EPHB1: variants seen among roughly 807,000 people sequenced by gnomAD.
EPHB1 encodes the protein ephrin type-B receptor 1.
A neutral mutation model predicts 94.4 loss-of-function variants in EPHB1; 30 were observed. The ratio of observed to expected loss-of-function variants is 0.32; its 90% CI spans 0.24 to 0.43. EPHB1 has a LOEUF of 0.43. Among genes scored for constraint, EPHB1 ranks in the 20% least tolerant of loss-of-function variants. The pLI, the probability that EPHB1 is intolerant of heterozygous loss-of-function variation, is 1.00. For missense variants in EPHB1, 1,055 were observed against 1,308.3 expected (o/e 0.81, Z 2.99); for synonymous variants, 522 against 489.1 (o/e 1.07, Z -0.89).
chr3:135,078,839 A>C (rs993862879), intron 3 of EPHB1, among the ~76,000 whole-genome samples: 3 of 152,202 alleles, frequency 2.0e-5, no homozygotes, highest in Non-Finnish European at 4.4e-5. Flanking sequence ...TGCACGTACT[A>C]TGTGCCTAGC....
chr3:135,053,027 G>GTATATATATATATATATATA (rs1243029809), intron 3 of EPHB1, among the ~76,000 whole-genome samples: 98 of 110,406 alleles, frequency 8.9e-4, no homozygotes, highest in African/African-American at 1.8e-3. Flanking sequence ...GTGTGTGTGT[G>GTATATATATATATATATATA]TATATATATA....
chr3:135,152,745 C>T (rs1406907602), intron 5 of EPHB1, among the ~76,000 whole-genome samples: 1 of 152,156 alleles, frequency 6.6e-6, no homozygotes, highest in East Asian at 1.9e-4. Flanking sequence ...GGCATCCCTG[C>T]TGCTCTCATT....
At chr3:135,252,709 A>G (rs1365703108) in intron 15 of EPHB1, among the ~76,000 whole-genome samples, 2 of 141,900 alleles carry the variant, frequency 1.4e-5, no homozygotes, top group Non-Finnish European at 3.1e-5. Flanking sequence ...AGCATGATTT[A>G]TAGTCCTTTG....
intron 6 of EPHB1, 53 bp downstream of exon 6, chr3:135,154,329 A>G (rs1941288573): frequency 5.6e-6 from 9 of 1,608,814 alleles, no homozygotes; most frequent in South Asian, 3.3e-5. Context: ...CCACTGTTCC[A>G]TGGATGGTTG....
chr3:135,021,588 C>A (rs1406505352), intron 3 of EPHB1, among the ~76,000 whole-genome samples: 1 of 149,060 alleles, frequency 6.7e-6, no homozygotes, highest in Non-Finnish European at 1.5e-5. Flanking sequence ...ATTTCTATGT[C>A]TTTAATCATA....
At chr3:134,922,417 G>A (rs564957844) in intron 1 of EPHB1, among the ~76,000 whole-genome samples, 93 of 152,354 alleles carry the variant, frequency 6.1e-4, no homozygotes, top group African/African-American at 2.2e-3. Flanking sequence ...ATGGGCAGAT[G>A]TAAAGAAATG....
At chr3:135,177,442 T>C (rs4894280) in intron 9 of EPHB1, among the ~76,000 whole-genome samples, 70,103 of 151,836 alleles carry the variant, frequency 0.46, 16,571 homozygotes, top group East Asian at 0.71. Flanking sequence ...GAGCCTCCCC[T>C]GCCCACCCGT....
intron 3 of EPHB1, among the ~76,000 whole-genome samples, chr3:135,086,905 G>A (rs980521941): frequency 3.3e-5 from 5 of 152,218 alleles, no homozygotes; most frequent in African/African-American, 9.6e-5. Flanking sequence ...AGTGGTTGGA[G>A]CTTCACAGTG....
chr3:135,171,806 A>G (rs1191496665), intron 9 of EPHB1, among the ~76,000 whole-genome samples: 1 of 152,194 alleles, frequency 6.6e-6, no homozygotes, highest in Non-Finnish European at 1.5e-5. Context: ...CTTTACATAA[A>G]TTAACTAGTT....
At chr3:135,147,425 G>A (rs917620036) in intron 5 of EPHB1, among the ~76,000 whole-genome samples, 1 of 152,220 alleles carries the variant, frequency 6.6e-6, no homozygotes, top group African/African-American at 2.4e-5. Flanking sequence ...TTCAACTTGT[G>A]TATGAACGTT....
intron 2 of EPHB1, 90 bp downstream of exon 2, chr3:134,925,970 C>T (rs1260973928): frequency 8.7e-7 from 1 of 1,155,714 alleles, no homozygotes; most frequent in Non-Finnish European, 1.2e-6. Context: ...CAGAGCAGTA[C>T]CTGTGGGGAA....
intron 1 of EPHB1, among the ~76,000 whole-genome samples, chr3:134,858,929 G>A (rs917038608): frequency 6.6e-6 from 1 of 152,186 alleles, no homozygotes; most frequent in Non-Finnish European, 1.5e-5. Context: ...CCTGGGGTGG[G>A]GCTTCAGCTG....
intron 1 of EPHB1, among the ~76,000 whole-genome samples, chr3:134,804,192 C>T (rs1270320400): frequency 2.0e-5 from 3 of 147,886 alleles, no homozygotes; most frequent in East Asian, 4.1e-4. Context: ...ATTGGACTTA[C>T]AGTTCCACAT....
chr3:134,852,489 G>A (rs1057388634), intron 1 of EPHB1: 1 of 152,196 alleles, frequency 6.6e-6, no homozygotes, highest in African/African-American at 2.4e-5. Context: ...GTGGTGAAGT[G>A]ATGGGATTTT....
At chr3:135,076,535 G>A (rs758433670) in intron 3 of EPHB1, among the ~76,000 whole-genome samples, 10 of 152,230 alleles carry the variant, frequency 6.6e-5, no homozygotes, top group Admixed American at 1.3e-4. Flanking sequence ...AAACAGTTTG[G>A]CAGTTTCTTA....
chr3:135,180,794 C>T (rs1029031921), intron 10 of EPHB1, among the ~76,000 whole-genome samples: 4 of 152,318 alleles, frequency 2.6e-5, no homozygotes, highest in South Asian at 2.1e-4. Context: ...CTCATTCCTG[C>T]GTCTTATGAA....
At chr3:135,109,035 G>T (rs1939337473) in intron 4 of EPHB1, among the ~76,000 whole-genome samples, 1 of 152,174 alleles carries the variant, frequency 6.6e-6, no homozygotes, top group South Asian at 2.1e-4. Context: ...CACCAGCAGG[G>T]AGGGGTTGCG....
At chr3:134,939,200 T>A (rs1383240052) in intron 2 of EPHB1, among the ~76,000 whole-genome samples, 1 of 152,216 alleles carries the variant, frequency 6.6e-6, no homozygotes, top group Non-Finnish European at 1.5e-5. Context: ...CCCCTTGCTG[T>A]GATGCATTTC....
chr3:134,830,090 C>T (rs374968077), intron 1 of EPHB1, among the ~76,000 whole-genome samples: 2 of 152,166 alleles, frequency 1.3e-5, no homozygotes, highest in South Asian at 2.1e-4. Context: ...GCTAATACAG[C>T]CCTTCACCTG....
Sources: gnomAD v4.1 joint callset for allele counts (sites outside exome capture counted in the v4.1 genomes callset) on GRCh38, gnomAD v4.1.1 for gene constraint, MANE v1.5 for transcripts, NCBI Gene and HGNC (gene_info 2026-07-23, HGNC 2026-07-21) for gene names.